OPTN: variants seen among roughly 807,000 people sequenced by gnomAD.
OPTN encodes E3-14.7K-interacting protein.
Under a neutral mutation model 70.4 loss-of-function variants are expected in OPTN, and 54 were observed. The ratio of observed to expected loss-of-function variants is 0.77; its 90% CI spans 0.62 to 0.96. The LOEUF (loss-of-function observed/expected upper bound fraction) is 0.96. Ranked by LOEUF, OPTN falls within the 40% of genes least tolerant of loss-of-function variation. OPTN has a pLI of 0.00. For missense variants in OPTN, 624 were observed against 673.2 expected, an observed-to-expected ratio of 0.93 and a Z score of 0.81; for synonymous variants, 256 against 248.5, an observed-to-expected ratio of 1.03 and a Z score of -0.28.
rs749476057 is a variant in OPTN, at chr10:13,122,411, G to A, written c.806G>A (p.Ser269Asn). 6.2e-7 allele frequency: 1 copy of A among 1,613,720 alleles called. No homozygotes were observed. Among genetic ancestry groups the A allele is most frequent in the Non-Finnish European group, 8.5e-7 (1 of 1,179,656 alleles). The change falls in exon 8 of 15, where the codon AGT becomes AAT. Residue 269 changes from serine (S) to asparagine (N), a missense_variant. Ser to Asn is a conservative substitution (Grantham distance 46). Coordinates refer to ENST00000378747, the MANE Select transcript of OPTN (RefSeq NM_001008212.2). ...GTTTCAGATTTTGAAAAGAAAACAA[G>A]TAATCGTTCTGAGATTGAAACCCAG... ...ERVSDFEKKT[S>N]NRSEIETQTE...
At position 13,136,750 on chromosome 10, in the gene OPTN, G is replaced by C. The variant is rs577097767; in HGVS notation, c.1618G>C (p.Glu540Gln). Residue 540 changes from glutamate to glutamine, a missense_variant, in exon 15 of 15, where the codon GAG (glutamate) becomes CAG (glutamine). Physicochemically the swap from Glu to Gln is conservative, Grantham distance 29. Transcript: ENST00000378747. ...ATTATCATACTTATTCCCAGGAGCT[G>C]AGGACAGGGACTGGCGGCAACAGCG... ...QQAYLVQRGA[E>Q]DRDWRQQRNI... 48 of 1,613,918 alleles carry C rather than the reference G, an allele frequency of 3.0e-5. No individual in the cohort carries two copies. The highest frequency in any genetic ancestry group is 4.1e-5 in the Non-Finnish European group (48 of 1,179,928).
intron 7 of OPTN, among the ~76,000 whole-genome samples, chr10:13,119,585 G>A (rs573738111): frequency 6.6e-6 from 1 of 152,280 alleles, no homozygotes; most frequent in East Asian, 1.9e-4. Flanking sequence ...TGGAATTGCT[G>A]GGTCATACGG....
intron 6 of OPTN, 63 bp downstream of exon 6, chr10:13,116,403 T>G: frequency 1.8e-6 from 2 of 1,135,436 alleles, no homozygotes; most frequent in Non-Finnish European, 2.7e-6. Flanking sequence ...ACTGGGTGCT[T>G]GTCACCGGAG....
chr10:13,108,039 C>T (rs1265954284), intron 1 of OPTN, 99 bp from the exon 2 acceptor site: 1 of 152,174 alleles, frequency 6.6e-6, no homozygotes, highest in Non-Finnish European at 1.5e-5. Flanking sequence ...AATTTCAGAC[C>T]ATGCAATACC....
chr10:13,117,405 A>G (rs1833239814), intron 6 of OPTN, among the ~76,000 whole-genome samples: 1 of 136,566 alleles, frequency 7.3e-6, no homozygotes, highest in Admixed American at 7.6e-5. Context: ...ACAGACGGAT[A>G]AGAGATCCAT....
At position 13,127,452 on chromosome 10, in the gene OPTN, A is replaced by G. The variant is rs111504615; in HGVS notation, c.1243-293A>G. On this transcript the variant is annotated intron_variant, in intron 11 of 14. Coordinates refer to ENST00000378747, the MANE Select transcript of OPTN (RefSeq NM_001008212.2). ...ATTTCGGTGTTATCACCTTTTTTTT[A>G]GGAATTCATTATTTGCAAGCCACAA... Among the ~76,000 whole-genome samples the G allele has an allele frequency of 5.3e-3, 812 of 152,212 alleles. 8 individuals are homozygous for G. The highest frequency in any genetic ancestry group is 0.018 in the African/African-American group (767 of 41,532).
Position 13,110,368 on chromosome 10 carries a change from G to A in OPTN, c.261G>A (p.Glu87=), listed in dbSNP as rs749333165. ...EKQKEERQFF[E]IQSKEAKERL... The stretch of plus-strand genomic sequence containing the variant: ...AGAAGGAAGAACGCCAGTTTTTTGA[G>A]ATACAGAGCAAAGAAGCAAAAGAGC... The change falls in exon 4 of 15, where the codon GAG becomes GAA. Residue 87 remains glutamate, a synonymous_variant. Transcript: ENST00000378747. The A allele has an allele frequency of 2.5e-6, 4 of 1,614,112 alleles. No individual in the cohort carries two copies. Among genetic ancestry groups the A allele is most frequent in the Non-Finnish European group, 3.4e-6 (4 of 1,180,008 alleles).
intron 3 of OPTN, chr10:13,109,637 G>A (rs937138248): frequency 1.3e-5 from 3 of 229,126 alleles, no homozygotes; most frequent in African/African-American, 7.2e-5. Context: ...ACCAGCCTGG[G>A]CAAGATGGCA....
Position 13,108,910 on chromosome 10 carries a change from G to GCACA in OPTN, c.-11-190_-11-187dup, listed in dbSNP as rs71386156. Reference sequence around the variant, plus strand: ...CACACACACATGCACACATGCGCGTGCACACACACACACACTTTTCTGAAG... The same window carrying GCACA: ...CACACACACATGCACACATGCGCGTGCACACACACACACACACACTTTTCTGAAG... On this transcript the variant is annotated intron_variant, in intron 2 of 14. Coordinates refer to ENST00000378747, the MANE Select transcript of OPTN (RefSeq NM_001008212.2). 154,391 of 588,430 alleles carry GCACA rather than the reference G, an allele frequency of 0.26. 16,183 individuals carry two copies. Among genetic ancestry groups the GCACA allele is most frequent in the Middle Eastern group, 0.35 (747 of 2,148 alleles). 36.5% of individuals were successfully genotyped at this position (588,430 alleles called of 1,614,324 possible). A position where few individuals can be genotyped will look rare whatever the true frequency, so the allele number is the denominator to read the frequency against.
At chr10:13,108,792 C>T (rs113983616) in intron 2 of OPTN, among the ~76,000 whole-genome samples, 15 of 152,090 alleles carry the variant, frequency 9.9e-5, no homozygotes, top group Admixed American at 2.6e-4. Flanking sequence ...ATGATCTGTC[C>T]GCCTCGGCCT....
rs34942122 is a variant in OPTN, at chr10:13,111,844, G to GTTTT, written c.370-591_370-588dup. On this transcript the variant is annotated intron_variant, in intron 4 of 14. Transcript: ENST00000378747. ...TTTGATTTGTATTTGTTTTTTGACT[G>GTTTT]TTTTTTTTTTTTTTTTTTTTTGAGA... Among the ~76,000 whole-genome samples the GTTTT allele has an allele frequency of 3.2e-3, 283 of 87,706 alleles. 6 individuals are homozygous for GTTTT. The highest frequency in any genetic ancestry group is 6.7e-3 in the East Asian group (18 of 2,692). The allele number at this position is 87,706 out of a possible 152,430, so 57.5% of individuals were successfully genotyped here.
intron 1 of OPTN, among the ~76,000 whole-genome samples, chr10:13,102,870 G>C (rs1219083849): frequency 6.6e-6 from 1 of 152,120 alleles, no homozygotes; most frequent in Non-Finnish European, 1.5e-5. Flanking sequence ...TTGAACCTGG[G>C]AGGCGGAGGT....
intron 4 of OPTN, 71 bp from the exon 5 acceptor site, chr10:13,112,382 T>G: frequency 6.9e-7 from 1 of 1,454,914 alleles, no homozygotes; most frequent in Non-Finnish European, 9.6e-7. Context: ...GCTCTGCGAT[T>G]AAGGGCATGA....
At chr10:13,117,539 G>T (rs559393059) in intron 6 of OPTN, among the ~76,000 whole-genome samples, 4 of 142,080 alleles carry the variant, frequency 2.8e-5, no homozygotes, top group Admixed American at 7.6e-5. Flanking sequence ...TCTGCCTCCC[G>T]GGTACAAGCA....
intron 12 of OPTN, among the ~76,000 whole-genome samples, chr10:13,128,209 G>A (rs778655522): frequency 6.6e-6 from 1 of 152,120 alleles, no homozygotes; most frequent in Non-Finnish European, 1.5e-5. Flanking sequence ...ACACACCTAG[G>A]AGTGGAGTCG....
intron 9 of OPTN, among the ~76,000 whole-genome samples, 190 bp downstream of exon 9, chr10:13,124,300 G>T (rs1219319036): frequency 6.6e-6 from 1 of 152,160 alleles, no homozygotes; most frequent in Non-Finnish European, 1.5e-5. Flanking sequence ...AAGATGGGGG[G>T]TTGGGGACTG....
chr10:13,117,274 GT>G (rs1833234479), intron 6 of OPTN, among the ~76,000 whole-genome samples: 2 of 151,532 alleles, frequency 1.3e-5, no homozygotes, highest in South Asian at 2.1e-4. Context: ...TAGAGATGGG[GT>G]TTCACCGTGT....
At chr10:13,101,402 C>CT (rs1832742844) in intron 1 of OPTN, among the ~76,000 whole-genome samples, 1 of 99,776 alleles carries the variant, frequency 1.0e-5, no homozygotes, top group Admixed American at 1.1e-4. Flanking sequence ...ACCCCCCCAC[C>CT]CCCCCACCCA....
At chr10:13,119,113 C>T (rs747965242) in intron 7 of OPTN, 73 bp downstream of exon 7, 1 of 1,320,076 alleles carries the variant, frequency 7.6e-7, no homozygotes, top group South Asian at 1.2e-5. Flanking sequence ...AGATACCATA[C>T]AGTTCACCCA....
Sources: allele counts gnomAD v4.1 joint callset (sites outside exome capture counted in the v4.1 genomes callset), GRCh38; gene constraint gnomAD v4.1.1; transcripts MANE v1.5; gene names NCBI Gene and HGNC (gene_info 2026-07-23, HGNC 2026-07-21).